Variants in RAB31 observed in about 807,000 individuals in gnomAD.
RAB31 encodes the protein ras-related protein Rab-31.
In RAB31, 21 loss-of-function variants were observed where a neutral mutation model predicts 25.6. That is an observed-to-expected ratio of 0.82 (90% CI 0.58 to 1.18). The LOEUF is 1.18. RAB31 is among the 50% of genes most tolerant of loss of function. RAB31 has a pLI of 0.00. For missense variants in RAB31, 196 were observed against 250.1 expected (o/e 0.78, Z 1.46); for synonymous variants, 87 against 84.0 (o/e 1.04, Z -0.20).
intron 2 of RAB31, among the ~76,000 whole-genome samples, chr18:9,788,044 T>C (rs974901931): frequency 6.6e-6 from 1 of 152,264 alleles, no homozygotes; most frequent in Non-Finnish European, 1.5e-5. Context: ...TGTTGGGCAG[T>C]GGCCAGTTAA....
At chr18:9,757,101 G>A (rs1440322675) in intron 1 of RAB31, among the ~76,000 whole-genome samples, 1 of 152,228 alleles carries the variant, frequency 6.6e-6, no homozygotes, top group Non-Finnish European at 1.5e-5. Flanking sequence ...TCAGGAAGCA[G>A]AGCTACTCTG....
chr18:9,762,086 G>C lies in RAB31; in HGVS notation c.40-13192G>C, dbSNP rs886641392. Among the ~76,000 whole-genome samples, 3 of 152,136 alleles carry C rather than the reference G, an allele frequency of 2.0e-5. No homozygotes were observed. In the East Asian group the frequency reaches 5.8e-4, roughly 29 times the overall value. ...GCCTCCCAAAGTGCTAGGATTACACGTATGAGCCACCATGCCCGGCCACCA... is the reference window on the plus strand; with the variant it reads ...GCCTCCCAAAGTGCTAGGATTACACCTATGAGCCACCATGCCCGGCCACCA... On this transcript the variant is annotated intron_variant, in intron 1 of 6. Transcript: ENST00000578921.
chr18:9,778,111 A>C (rs1466829394), intron 2 of RAB31, among the ~76,000 whole-genome samples: 1 of 152,216 alleles, frequency 6.6e-6, no homozygotes, highest in Non-Finnish European at 1.5e-5. Context: ...AATTATGGGC[A>C]GTACATAAAA....
chr18:9,775,181 C>G (rs886862000), intron 1 of RAB31, 97 bp from the exon 2 acceptor site: 1 of 1,574,560 alleles, frequency 6.4e-7, no homozygotes, highest in Non-Finnish European at 8.6e-7. Flanking sequence ...CCAGAAATAG[C>G]CAGTCGTGTC....
At chr18:9,806,197 G>A (rs978416950) in intron 3 of RAB31, among the ~76,000 whole-genome samples, 64 of 151,650 alleles carry the variant, frequency 4.2e-4, no homozygotes, top group Non-Finnish European at 7.5e-4. Context: ...AAGAAGAGCT[G>A]TGTGTCTTTG....
rs71168101 is a variant in RAB31, at chr18:9,719,298, AATATATAT to A, written c.39+10878_39+10885del. Among the ~76,000 whole-genome samples the A allele has an allele frequency of 7.0e-3, 162 of 23,084 alleles. 2 individuals carry two copies. The highest frequency in any genetic ancestry group is 0.042 in the Middle Eastern group (2 of 48). The allele number at this position is 23,084 out of a possible 152,430, so 15.1% of individuals were successfully genotyped here. A position where few individuals can be genotyped will look rare whatever the true frequency, so the allele number is the denominator to read the frequency against. ...AAAAAAAAAAAAAAAAAAAAAAAAA[AATATATAT>A]ATATATATATATATATATATATAAA... On this transcript the variant is annotated intron_variant, in intron 1 of 6. Transcript: ENST00000578921.
intron 1 of RAB31, chr18:9,734,812 C>T (rs868397861): frequency 5.5e-6 from 1 of 181,778 alleles, no homozygotes; most frequent in Middle Eastern, 1.0e-3. Context: ...ATTTAATGAA[C>T]CTCCTTCCCT....
At chr18:9,831,614 C>T (rs974757129) in intron 5 of RAB31, among the ~76,000 whole-genome samples, 3 of 152,176 alleles carry the variant, frequency 2.0e-5, no homozygotes, top group South Asian at 2.1e-4. Context: ...CTGAGAGGAT[C>T]GTGTGTGGGC....
At chr18:9,815,258 G>A (rs2143080019) in intron 5 of RAB31, 36 bp downstream of exon 5, 2 of 1,408,466 alleles carry the variant, frequency 1.4e-6, no homozygotes, top group South Asian at 2.5e-5. Context: ...TGTAGATACT[G>A]TCCTCCATCC....
intron 1 of RAB31, among the ~76,000 whole-genome samples, chr18:9,769,822 G>T (rs1471400573): frequency 6.6e-6 from 1 of 152,198 alleles, no homozygotes; most frequent in African/African-American, 2.4e-5. Flanking sequence ...CTGTGGGTTT[G>T]TCATAAGTAG....
intron 1 of RAB31, among the ~76,000 whole-genome samples, chr18:9,712,781 A>G (rs1442370280): frequency 2.0e-5 from 3 of 152,186 alleles, no homozygotes; most frequent in Non-Finnish European, 4.4e-5. Flanking sequence ...TGGAATCCCA[A>G]AGAGATTTAT....
At chr18:9,824,701 C>T (rs1266146122) in intron 5 of RAB31, among the ~76,000 whole-genome samples, 1 of 152,166 alleles carries the variant, frequency 6.6e-6, no homozygotes, top group Non-Finnish European at 1.5e-5. Flanking sequence ...AAGGTCCGCC[C>T]CACTCCCAGA....
intron 3 of RAB31, among the ~76,000 whole-genome samples, chr18:9,806,013 A>G (rs559818626): frequency 4.3e-4 from 65 of 152,236 alleles, no homozygotes; most frequent in Admixed American, 7.2e-4. Context: ...TCTCTACTAA[A>G]AAAATACAAA....
chr18:9,715,552 T>G (rs1324373282), intron 1 of RAB31, among the ~76,000 whole-genome samples: 1 of 143,848 alleles, frequency 7.0e-6, no homozygotes, highest in Admixed American at 7.1e-5. Context: ...TTTTTTGACA[T>G]GGAGTCTCGC....
chr18:9,723,766 C>G (rs7229181), intron 1 of RAB31: 118,440 of 152,060 alleles, frequency 0.78, 46,380 homozygotes, highest in East Asian at 0.86. Flanking sequence ...CTTTACCAAC[C>G]GATTGTTTCT....
In RAB31 at chr18:9,777,754, C is replaced by CTT. The variant is rs36009427; in HGVS notation, c.119+2414_119+2415dup. ...TAAAATAAAATCTTTTTGTAATGAC[C>CTT]TTTTTTTTTTTTTTTTTTGAGACGG... On this transcript the variant is annotated intron_variant, in intron 2 of 6. Transcript: ENST00000578921. Among the ~76,000 whole-genome samples the CTT allele has an allele frequency of 3.7e-3, 423 of 113,938 alleles. 11 individuals are homozygous for CTT. Among genetic ancestry groups the CTT allele is most frequent in the African/African-American group, 0.015 (404 of 27,264 alleles). 74.7% of individuals were successfully genotyped at this position (113,938 alleles called of 152,430 possible).
At chr18:9,722,052 A>T (rs12970386) in intron 1 of RAB31, among the ~76,000 whole-genome samples, 4 of 151,784 alleles carry the variant, frequency 2.6e-5, no homozygotes, top group Admixed American at 6.6e-5. Context: ...ACAGCAGGCG[A>T]GCAGTGTGAC....
At chr18:9,795,711 A>G (rs1456792286) in intron 3 of RAB31, among the ~76,000 whole-genome samples, 1 of 152,218 alleles carries the variant, frequency 6.6e-6, no homozygotes, top group East Asian at 1.9e-4. Flanking sequence ...AAGAACGACT[A>G]TAATCAAAAA....
At chr18:9,812,821 C>A (rs1438421732) in intron 3 of RAB31, among the ~76,000 whole-genome samples, 1 of 151,404 alleles carries the variant, frequency 6.6e-6, no homozygotes, top group Non-Finnish European at 1.5e-5. Context: ...CCTCAGCCTC[C>A]CAAGTAGCTG....
Sources: allele counts gnomAD v4.1 joint callset (sites outside exome capture counted in the v4.1 genomes callset), GRCh38; gene constraint gnomAD v4.1.1; transcripts MANE v1.5; gene names NCBI Gene and HGNC (gene_info 2026-07-23, HGNC 2026-07-21).